Variants in SUPT3H observed in about 807,000 individuals in gnomAD.
The protein encoded by SUPT3H is SPT3 homolog, SAGA and STAGA complex component, also known as transcription initiation protein SPT3 homolog.
A neutral mutation model predicts 44.3 loss-of-function variants in SUPT3H; 44 were observed. That is an observed-to-expected ratio of 0.99 (90% confidence interval 0.78 to 1.28). The LOEUF is 1.28. Ranked by LOEUF, SUPT3H falls within the 50% of genes most tolerant of loss-of-function variation. The pLI is 0.00. For missense variants in SUPT3H, 380 were observed against 387.1 expected, an observed-to-expected ratio of 0.98 and a Z score of 0.15; for synonymous variants, 124 against 125.6, an observed-to-expected ratio of 0.99 and a Z score of 0.09.
chr6:44,869,158 A>T (rs1358099301), intron 10 of SUPT3H, among the ~76,000 whole-genome samples: 1 of 152,204 alleles, frequency 6.6e-6, no homozygotes, highest in Non-Finnish European at 1.5e-5. Flanking sequence ...CCAAACATCA[A>T]AAGTAAGCAG....
At chr6:45,172,978 T>C (rs1323597673) in intron 2 of SUPT3H, among the ~76,000 whole-genome samples, 1 of 152,180 alleles carries the variant, frequency 6.6e-6, no homozygotes, top group African/African-American at 2.4e-5. Flanking sequence ...AGACAAAAAG[T>C]CCTTTATCAA....
In SUPT3H at chr6:44,857,254, A is replaced by G. The variant is rs556272932; in HGVS notation, c.913-27397T>C. ...AAAGCATCACTTATAATACCCTTATAAAACACAAAGCGCCATAATGGACAC... is the reference window on the plus strand; with the variant it reads ...AAAGCATCACTTATAATACCCTTATGAAACACAAAGCGCCATAATGGACAC... On this transcript the variant is annotated intron_variant, in intron 10 of 10. Transcript: ENST00000371459. Among the ~76,000 whole-genome samples, 13 of 152,332 alleles carry G rather than the reference A, an allele frequency of 8.5e-5. No homozygotes were observed. The South Asian group carries it at 1.5e-3, about 17-fold the overall frequency.
intron 10 of SUPT3H, among the ~76,000 whole-genome samples, chr6:44,876,836 G>GAAAAAA (rs200454659): frequency 1.1e-4 from 10 of 92,198 alleles, no homozygotes; most frequent in African/African-American, 1.8e-4. Context: ...ATCTTCAATT[G>GAAAAAA]AAAAAAAAAA....
chr6:45,192,422 C>A (rs1815295922), intron 2 of SUPT3H, among the ~76,000 whole-genome samples: 1 of 152,038 alleles, frequency 6.6e-6, no homozygotes. Context: ...AACTTGGGAT[C>A]AGATGAAAAT....
chr6:44,976,029 C>T (rs1164554068), intron 6 of SUPT3H, among the ~76,000 whole-genome samples: 64 of 152,158 alleles, frequency 4.2e-4, no homozygotes, highest in Admixed American at 4.2e-3. Context: ...CGTTCTTAAT[C>T]ATCTTAATGC....
chr6:45,320,204 T>C (rs999619862), intron 2 of SUPT3H, among the ~76,000 whole-genome samples: 2 of 152,134 alleles, frequency 1.3e-5, no homozygotes, highest in African/African-American at 4.8e-5. Context: ...ATCTTCATTA[T>C]TACAAGTCAT....
chr6:45,151,424 A>C (rs1806955601), intron 2 of SUPT3H, among the ~76,000 whole-genome samples: 1 of 152,164 alleles, frequency 6.6e-6, no homozygotes, highest in African/African-American at 2.4e-5. Context: ...ATATTGACAA[A>C]AGTATTTCAG....
chr6:44,905,004 T>G (rs1301569863), intron 10 of SUPT3H, among the ~76,000 whole-genome samples: 1 of 152,134 alleles, frequency 6.6e-6, no homozygotes, highest in East Asian at 1.9e-4. Flanking sequence ...CCTTACACCT[T>G]ATACAAAAAT....
chr6:45,112,766 A>T (rs1800260633), intron 2 of SUPT3H, among the ~76,000 whole-genome samples: 1 of 152,160 alleles, frequency 6.6e-6, no homozygotes, highest in African/African-American at 2.4e-5. Flanking sequence ...TACAAGGCCT[A>T]CAAGCAGATC....
intron 2 of SUPT3H, among the ~76,000 whole-genome samples, chr6:45,130,787 G>A (rs1425293406): frequency 2.5e-4 from 36 of 141,474 alleles, no homozygotes; most frequent in African/African-American, 8.0e-4. Flanking sequence ...GCATGATCTC[G>A]GCTCACCGCA....
At chr6:44,857,642 G>A (rs760336653) in intron 10 of SUPT3H, among the ~76,000 whole-genome samples, 1 of 151,980 alleles carries the variant, frequency 6.6e-6, no homozygotes, top group Non-Finnish European at 1.5e-5. Flanking sequence ...TATTCTGGAG[G>A]CCCAGTTTTT....
rs768167533 is a variant in SUPT3H, at chr6:45,217,813, C to G, written c.102-111807G>C. ...GCTGAGACAGGAGAACTGCTTATAT[C>G]TGGGAGGCAGAGGCTGCAGTAGGCC... On this transcript the variant is annotated intron_variant, in intron 2 of 10. Transcript: ENST00000371459. Among the ~76,000 whole-genome samples the G allele has an allele frequency of 2.0e-5, 3 of 151,976 alleles. No individual in the cohort carries two copies. The East Asian group carries it at 5.8e-4, about 29-fold the overall frequency.
intron 2 of SUPT3H, among the ~76,000 whole-genome samples, chr6:45,314,823 T>C (rs917603031): frequency 6.6e-6 from 1 of 152,110 alleles, no homozygotes; most frequent in African/African-American, 2.4e-5. Flanking sequence ...AGAGCCCACA[T>C]AGCCAAAGCA....
chr6:44,821,658 G>C (rs1191061289), intron 11 of SUPT3H, among the ~76,000 whole-genome samples: 4 of 152,140 alleles, frequency 2.6e-5, no homozygotes, highest in African/African-American at 9.7e-5. Flanking sequence ...GCAATAAAAT[G>C]TCAGGAAAAG....
At position 45,058,892 on chromosome 6, in the gene SUPT3H, C is replaced by T. The variant is rs182521414; in HGVS notation, c.187-38260G>A. The stretch of plus-strand genomic sequence containing the variant: ...TCTTATTCATCCAGTAAGATCTACC[C>T]GAATTGCAAGTGTTTTATAAAGCTG... On this transcript the variant is annotated intron_variant, in intron 3 of 10. Coordinates refer to ENST00000371459, the MANE Select transcript of SUPT3H (RefSeq NM_003599.4). Among the ~76,000 whole-genome samples the T allele has an allele frequency of 4.3e-3, 658 of 152,146 alleles. 7 individuals are homozygous for T. The highest frequency in any genetic ancestry group is 8.3e-3 in the Non-Finnish European group (561 of 67,960).
intron 2 of SUPT3H, among the ~76,000 whole-genome samples, chr6:45,193,598 C>T (rs866154270): frequency 1.3e-5 from 2 of 152,184 alleles, no homozygotes; most frequent in South Asian, 4.2e-4. Flanking sequence ...CACCTGTAAT[C>T]CCAGCTACTT....
chr6:45,299,617 A>G (rs1163715537), intron 2 of SUPT3H, among the ~76,000 whole-genome samples: 2 of 152,060 alleles, frequency 1.3e-5, no homozygotes, highest in African/African-American at 4.8e-5. Flanking sequence ...TCAATTCAGA[A>G]AACAAATTTT....
intron 2 of SUPT3H, among the ~76,000 whole-genome samples, chr6:45,206,213 A>T (rs1305341771): frequency 6.6e-6 from 1 of 152,204 alleles, no homozygotes; most frequent in Non-Finnish European, 1.5e-5. Context: ...GAATAAATGA[A>T]TATGTAAATT....
At chr6:44,903,988 T>C (rs1462155152) in intron 10 of SUPT3H, among the ~76,000 whole-genome samples, 1 of 152,154 alleles carries the variant, frequency 6.6e-6, no homozygotes, top group Non-Finnish European at 1.5e-5. Context: ...CAGCCCTTCA[T>C]CCTAAAAACT....
Sources: allele counts gnomAD v4.1 joint callset (sites outside exome capture counted in the v4.1 genomes callset), GRCh38; gene constraint gnomAD v4.1.1; transcripts MANE v1.5; gene names NCBI Gene and HGNC (gene_info 2026-07-23, HGNC 2026-07-21).